LIPC: variants seen among roughly 807,000 people sequenced by gnomAD.
The protein encoded by LIPC is hepatic triacylglycerol lipase.
In LIPC, 44 loss-of-function variants were observed where a neutral mutation model predicts 50.7. That is an observed-to-expected ratio of 0.87 (90% CI 0.68 to 1.11). The LOEUF (loss-of-function observed/expected upper bound fraction) is 1.11. Among genes scored for constraint, LIPC ranks in the 50% most tolerant of loss-of-function variants. The pLI is 0.00. For missense variants in LIPC, 697 were observed against 648.2 expected (o/e 1.08, Z -0.82); for synonymous variants, 271 against 256.4 (o/e 1.06, Z -0.54).
intron 1 of LIPC, among the ~76,000 whole-genome samples, chr15:58,515,639 C>A (rs1892463311): frequency 1.3e-5 from 2 of 151,872 alleles, no homozygotes; most frequent in South Asian, 4.2e-4. Context: ...TATAAAGGGG[C>A]AGAGGAGTAA....
chr15:58,516,488 G>A (rs894823319), intron 1 of LIPC, among the ~76,000 whole-genome samples: 2 of 151,870 alleles, frequency 1.3e-5, no homozygotes, highest in Admixed American at 6.6e-5. Context: ...AAAATTGCCC[G>A]ACAGCTCCCT....
At chr15:58,513,498 G>A (rs1200390663) in intron 1 of LIPC, among the ~76,000 whole-genome samples, 2 of 152,178 alleles carry the variant, frequency 1.3e-5, no homozygotes, top group East Asian at 1.9e-4. Context: ...TGCAGAGCCG[G>A]CCCTTTCTGT....
intron 1 of LIPC, among the ~76,000 whole-genome samples, chr15:58,485,408 A>C (rs35771822): frequency 0.12 from 17,513 of 152,070 alleles, 1,201 homozygotes; most frequent in Non-Finnish European, 0.17. Context: ...TGTTTGTCAC[A>C]GGTTTGTTGG....
Position 58,511,115 on chromosome 15 carries a change from G to A in LIPC, c.89-27218G>A, listed in dbSNP as rs140615764. On this transcript the variant is annotated intron_variant, in intron 1 of 8. Coordinates refer to ENST00000299022, the MANE Select transcript of LIPC (RefSeq NM_000236.3). The stretch of plus-strand genomic sequence containing the variant: ...GGAAGACCCAAAACTAGAATCCAGG[G>A]CTCCTGACTCTACATCCTATGTTTT... Among the ~76,000 whole-genome samples, 10 of 152,284 alleles carry A rather than the reference G, an allele frequency of 6.6e-5. No individual in the cohort carries two copies. The East Asian group carries it at 1.9e-3, about 29-fold the overall frequency.
chr15:58,498,601 A>AG (rs1292426507), intron 1 of LIPC: 10 of 152,198 alleles, frequency 6.6e-5, no homozygotes, highest in African/African-American at 2.4e-5. Context: ...AAGACTCTTT[A>AG]GGGGGGCAAT....
intron 1 of LIPC, among the ~76,000 whole-genome samples, chr15:58,496,743 C>CAAAAAAAAAAA (rs10716717): frequency 2.0e-4 from 23 of 114,162 alleles, no homozygotes; most frequent in African/African-American, 6.4e-4. Context: ...TCTTCCCCCT[C>CAAAAAAAAAAA]AAAAAAAAAA....
At chr15:58,487,408 T>C (rs1235243554) in intron 1 of LIPC, among the ~76,000 whole-genome samples, 1 of 152,224 alleles carries the variant, frequency 6.6e-6, no homozygotes, top group Non-Finnish European at 1.5e-5. Flanking sequence ...AAACCAAAGC[T>C]ATTATTTTTA....
At chr15:58,532,150 A>T (rs1892979376) in intron 1 of LIPC, among the ~76,000 whole-genome samples, 1 of 152,218 alleles carries the variant, frequency 6.6e-6, no homozygotes, top group South Asian at 2.1e-4. Context: ...AAAATTCAAG[A>T]TGGTGGGAGT....
chr15:58,460,716 T>G (rs144236107), intron 1 of LIPC, among the ~76,000 whole-genome samples: 1 of 152,154 alleles, frequency 6.6e-6, no homozygotes, highest in Non-Finnish European at 1.5e-5. Context: ...CTCGCCATGA[T>G]GTTTTCCAGG....
chr15:58,495,244 T>C (rs920893688), intron 1 of LIPC, among the ~76,000 whole-genome samples: 3 of 152,246 alleles, frequency 2.0e-5, no homozygotes, highest in Admixed American at 6.5e-5. Flanking sequence ...GATTTAGTTC[T>C]GGTTTTGAAA....
rs115225740 is a variant in LIPC, at chr15:58,513,131, G to A, written c.89-25202G>A. On this transcript the variant is annotated intron_variant, in intron 1 of 8. Transcript: ENST00000299022. ...TCACGGCCCACAGTCCCTAGGTTCCGCTCAGCACAGTCTGGAATCAAGGGT... is the reference window on the plus strand; with the variant it reads ...TCACGGCCCACAGTCCCTAGGTTCCACTCAGCACAGTCTGGAATCAAGGGT... Among the ~76,000 whole-genome samples, 1,057 of 152,158 alleles carry A rather than the reference G, an allele frequency of 6.9e-3. 16 individuals are homozygous for A. Among genetic ancestry groups the A allele is most frequent in the African/African-American group, 0.024 (1,003 of 41,502 alleles).
At chr15:58,489,222 G>GGGGGT (rs1566926397) in intron 1 of LIPC, among the ~76,000 whole-genome samples, 1 of 93,102 alleles carries the variant, frequency 1.1e-5, no homozygotes, top group East Asian at 3.3e-4. Flanking sequence ...TGTTGCGGGG[G>GGGGGT]CGGGGGGGCG....
chr15:58,518,908 C>T (rs1413250713), intron 1 of LIPC, among the ~76,000 whole-genome samples: 1 of 150,768 alleles, frequency 6.6e-6, no homozygotes, highest in African/African-American at 2.4e-5. Context: ...ACTCACAACA[C>T]TCACAGAGCT....
At chr15:58,551,275 C>T (rs962563146) in intron 6 of LIPC, among the ~76,000 whole-genome samples, 2 of 152,164 alleles carry the variant, frequency 1.3e-5, no homozygotes, top group Non-Finnish European at 2.9e-5. Flanking sequence ...ATCAAGCCAC[C>T]CTGGGCATGG....
At chr15:58,529,577 C>A (rs1229474096) in intron 1 of LIPC, among the ~76,000 whole-genome samples, 1 of 152,226 alleles carries the variant, frequency 6.6e-6, no homozygotes, top group African/African-American at 2.4e-5. Context: ...GATTCAAGAC[C>A]TGTTTCCTCT....
intron 1 of LIPC, chr15:58,435,639 G>C (rs561777357): frequency 7.9e-5 from 12 of 152,286 alleles, no homozygotes; most frequent in African/African-American, 2.9e-4. Context: ...GCCGGGCGCC[G>C]TGGCTCACGC....
At position 58,469,085 on chromosome 15, in the gene LIPC, C is replaced by T. The variant is rs149819060; in HGVS notation, c.88+36965C>T. Among the ~76,000 whole-genome samples the T allele has an allele frequency of 5.4e-4, 81 of 149,478 alleles. 1 individual carries two copies. In the East Asian group the frequency reaches 0.015, roughly 28 times the overall value. Reference sequence around the variant, plus strand: ...TTCTATTTTTTTCTAATAACTTAAACGGCTTCAGGGAACATTTTGTGTGTG... The same window carrying T: ...TTCTATTTTTTTCTAATAACTTAAATGGCTTCAGGGAACATTTTGTGTGTG... On this transcript the variant is annotated intron_variant, in intron 1 of 8. Coordinates refer to ENST00000299022, the MANE Select transcript of LIPC (RefSeq NM_000236.3).
At chr15:58,548,764 G>A (rs546096560) in intron 6 of LIPC, among the ~76,000 whole-genome samples, 192 bp downstream of exon 6, 5 of 152,304 alleles carry the variant, frequency 3.3e-5, no homozygotes, top group East Asian at 3.9e-4. Flanking sequence ...CCACCTTGCC[G>A]CCAAGGGCTA....
At position 58,523,729 on chromosome 15, in the gene LIPC, A is replaced by G. The variant is rs115913557; in HGVS notation, c.89-14604A>G. On this transcript the variant is annotated intron_variant, in intron 1 of 8. Transcript: ENST00000299022. ...AGGCCAGGAGTTTGAGACCAGCCTG[A>G]GCAACACAGTGAGGCCCTGTGTCTA... Among the ~76,000 whole-genome samples the G allele has an allele frequency of 5.4e-3, 829 of 152,232 alleles. 6 individuals carry two copies. The highest frequency in any genetic ancestry group is 0.019 in the African/African-American group (773 of 41,534).
Sources: gnomAD v4.1 joint callset for allele counts (sites outside exome capture counted in the v4.1 genomes callset) on GRCh38, gnomAD v4.1.1 for gene constraint, MANE v1.5 for transcripts, NCBI Gene and HGNC (gene_info 2026-07-23, HGNC 2026-07-21) for gene names.